The following ARHGAP28 variants were observed in gnomAD, a reference collection of about 807,000 sequenced individuals.
The protein encoded by ARHGAP28 is rho GTPase-activating protein 28.
ARHGAP28 carries 56 observed loss-of-function variants against 90.7 expected under a neutral mutation model. The ratio of observed to expected loss-of-function variants is 0.62; its 90% confidence interval spans 0.50 to 0.77. ARHGAP28 has a LOEUF of 0.77. Ranked by LOEUF, ARHGAP28 falls within the 30% of genes least tolerant of loss-of-function variation. The pLI is 0.00. For synonymous variants in ARHGAP28, 308 were observed against 323.3 expected, an observed-to-expected ratio of 0.95 and a Z score of 0.51; for missense variants, 869 against 900.9, an observed-to-expected ratio of 0.96 and a Z score of 0.45.
intron 2 of ARHGAP28, among the ~76,000 whole-genome samples, chr18:6,834,285 G>T (rs1256369173): frequency 6.6e-6 from 1 of 152,132 alleles, no homozygotes; most frequent in Non-Finnish European, 1.5e-5. Flanking sequence ...AGAAACAGCA[G>T]TGTTAGGATT....
At chr18:6,840,607 G>A (rs759689930) in intron 3 of ARHGAP28, among the ~76,000 whole-genome samples, 13 of 152,150 alleles carry the variant, frequency 8.5e-5, no homozygotes, top group African/African-American at 1.2e-4. Flanking sequence ...GGGCCTAACA[G>A]GGTGCATTTG....
At chr18:6,769,664 C>T (rs925138192) in intron 1 of ARHGAP28, among the ~76,000 whole-genome samples, 1 of 152,184 alleles carries the variant, frequency 6.6e-6, no homozygotes, top group Non-Finnish European at 1.5e-5. Flanking sequence ...AGGATTTGCA[C>T]CCACGTCCTT....
At chr18:6,760,973 G>A (rs1357836971) in intron 1 of ARHGAP28, among the ~76,000 whole-genome samples, 2 of 152,068 alleles carry the variant, frequency 1.3e-5, no homozygotes, top group East Asian at 3.9e-4. Context: ...TGAGATCGTG[G>A]TATTATACTT....
At chr18:6,892,476 A>G (rs552866078) in intron 14 of ARHGAP28, among the ~76,000 whole-genome samples, 92 of 152,312 alleles carry the variant, frequency 6.0e-4, no homozygotes, top group Middle Eastern at 6.8e-3. Context: ...GATAAGTCCA[A>G]TGTCTGGACT....
chr18:6,840,640 C>G (rs1600233701), intron 3 of ARHGAP28, among the ~76,000 whole-genome samples: 2 of 152,110 alleles, frequency 1.3e-5, no homozygotes, highest in African/African-American at 4.8e-5. Flanking sequence ...AGGAATGGCC[C>G]AGGGTTCTTC....
rs73382798 is a variant in ARHGAP28, at chr18:6,832,472, T to A, written c.326-4725T>A. ...ATGTTCTTACTAATCTTTGATTGAT[T>A]TAACAAGTACTGAGAGAAGTTGTTA... On this transcript the variant is annotated intron_variant, in intron 2 of 17. Transcript: ENST00000383472. 4.3e-3 allele frequency among the ~76,000 whole-genome samples: 650 copies of A among 152,196 alleles called. 4 individuals carry two copies. Among genetic ancestry groups the A allele is most frequent in the African/African-American group, 0.015 (633 of 41,580 alleles).
intron 1 of ARHGAP28, among the ~76,000 whole-genome samples, chr18:6,777,468 A>G (rs1212569849): frequency 1.3e-5 from 2 of 152,180 alleles, no homozygotes; most frequent in Admixed American, 6.5e-5. Context: ...CACACCTGCA[A>G]TCCCAGCACT....
At chr18:6,895,246 C>T (rs1181632972) in intron 15 of ARHGAP28, among the ~76,000 whole-genome samples, 1 of 152,132 alleles carries the variant, frequency 6.6e-6, no homozygotes, top group African/African-American at 2.4e-5. Flanking sequence ...ACAGTCTTGG[C>T]TGCAATGAGC....
chr18:6,771,086 G>T (rs2056239212), intron 1 of ARHGAP28, among the ~76,000 whole-genome samples: 1 of 151,898 alleles, frequency 6.6e-6, no homozygotes, highest in Non-Finnish European at 1.5e-5. Context: ...ACCCAGCCTG[G>T]AGTGCAGTGG....
At chr18:6,904,209 C>T (rs2057352946) in intron 16 of ARHGAP28, among the ~76,000 whole-genome samples, 1 of 152,150 alleles carries the variant, frequency 6.6e-6, no homozygotes, top group South Asian at 2.1e-4. Flanking sequence ...GCCTGGCCAA[C>T]ATGGCGAACC....
chr18:6,893,935 C>G (rs1443356745), intron 14 of ARHGAP28, among the ~76,000 whole-genome samples: 4 of 144,316 alleles, frequency 2.8e-5, no homozygotes, highest in Non-Finnish European at 6.0e-5. Flanking sequence ...GGCGCGATCT[C>G]GGCTCGCTGC....
At chr18:6,851,229 G>A (rs72876565) in intron 4 of ARHGAP28, 103 bp downstream of exon 4, 10,446 of 1,002,060 alleles carry the variant, frequency 0.01, 91 homozygotes, top group Non-Finnish European at 0.014. Flanking sequence ...TAAGATGGCT[G>A]GACAACCACA....
intron 14 of ARHGAP28, among the ~76,000 whole-genome samples, chr18:6,894,069 G>A (rs1395722087): frequency 3.3e-5 from 5 of 151,836 alleles, no homozygotes; most frequent in East Asian, 3.9e-4. Context: ...GGGTTTCACC[G>A]TGTTAGCCAG....
rs1198073546 is a variant in ARHGAP28 at position 6,914,137 on chromosome 18, TTTTA to T, written c.*1987_*1990del. 7 of 152,224 alleles carry T rather than the reference TTTTA, an allele frequency of 4.6e-5. No individual in the cohort carries two copies. Among genetic ancestry groups the T allele is most frequent in the African/African-American group, 1.7e-4 (7 of 41,464 alleles). 9.4% of individuals were successfully genotyped at this position (152,224 alleles called of 1,614,324 possible). A position where few individuals can be genotyped will look rare whatever the true frequency, so the allele number is the denominator to read the frequency against. ...TCATTTAATTTTTTAATTTGAGAAT[TTTTA>T]TTTCTTTTGACTGAAAACACATTAG... On this transcript the variant is annotated 3_prime_UTR_variant, in exon 18 of 18. Transcript: ENST00000383472.
chr18:6,818,537 A>T (rs1169377720), intron 1 of ARHGAP28, among the ~76,000 whole-genome samples: 2 of 152,170 alleles, frequency 1.3e-5, no homozygotes, highest in East Asian at 3.8e-4. Context: ...AAGTAAGCAA[A>T]TGAGTGCATG....
intron 9 of ARHGAP28, among the ~76,000 whole-genome samples, chr18:6,875,356 TAGA>T (rs1398335752): frequency 1.3e-5 from 2 of 152,192 alleles, no homozygotes. Context: ...CCTCCATACC[TAGA>T]AGAATTACCT....
At chr18:6,872,577 T>C (rs1476136292) in intron 7 of ARHGAP28, among the ~76,000 whole-genome samples, 1 of 152,178 alleles carries the variant, frequency 6.6e-6, no homozygotes, top group Non-Finnish European at 1.5e-5. Flanking sequence ...TTTTTTTTGT[T>C]TTACTTCAGC....
intron 2 of ARHGAP28, among the ~76,000 whole-genome samples, chr18:6,830,146 A>T (rs1159953187): frequency 6.6e-6 from 1 of 151,908 alleles, no homozygotes; most frequent in African/African-American, 2.4e-5. Context: ...CCTCATCTCA[A>T]TTTTTTTCAC....
At chr18:6,822,760 C>T (rs879641018) in intron 1 of ARHGAP28, among the ~76,000 whole-genome samples, 2 of 152,022 alleles carry the variant, frequency 1.3e-5, no homozygotes, top group Non-Finnish European at 2.9e-5. Flanking sequence ...ACGAAAAGAT[C>T]AATGATAAAA....
Sources: allele counts gnomAD v4.1 joint callset (sites outside exome capture counted in the v4.1 genomes callset), GRCh38; gene constraint gnomAD v4.1.1; transcripts MANE v1.5; gene names NCBI Gene and HGNC (gene_info 2026-07-23, HGNC 2026-07-21).